The following TSBP1 variants were observed in gnomAD, a reference collection of about 807,000 sequenced individuals.
TSBP1 encodes testis-expressed basic protein 1.
TSBP1 carries 56 observed loss-of-function variants against 68.8 expected under a neutral mutation model. The ratio of observed to expected loss-of-function variants is 0.81; its 90% confidence interval spans 0.66 to 1.02. The LOEUF is 1.02. Ranked by LOEUF, TSBP1 falls within the 50% of genes least tolerant of loss-of-function variation. The probability of loss-of-function intolerance (pLI) is 0.00; values close to 1 mark genes in which losing one functional copy is unlikely to be tolerated. For synonymous variants in TSBP1, 171 were observed against 208.7 expected, an observed-to-expected ratio of 0.82 and a Z score of 1.56; for missense variants, 502 against 641.2, an observed-to-expected ratio of 0.78 and a Z score of 2.34.
At chr6:32,326,726 C>T (rs1229993482) in intron 16 of TSBP1, among the ~76,000 whole-genome samples, 2 of 152,214 alleles carry the variant, frequency 1.3e-5, no homozygotes, top group Admixed American at 6.5e-5. Context: ...AGCTAGTTTT[C>T]GTACTACTTT....
intron 3 of TSBP1, 70 bp downstream of exon 3, chr6:32,368,710 CAG>C: frequency 6.8e-7 from 1 of 1,460,778 alleles, no homozygotes; most frequent in South Asian, 1.2e-5. Context: ...GTAAACAAGA[CAG>C]ATTTCTTTCC....
chr6:32,355,712 C>G (rs1772231497), intron 6 of TSBP1, 43 bp from the exon 7 acceptor site: 1 of 1,569,428 alleles, frequency 6.4e-7, no homozygotes, highest in South Asian at 1.1e-5. Context: ...TTTGGATATT[C>G]TATTTCTGTA....
rs2022669 is a variant in TSBP1 at position 32,321,883 on chromosome 6, T to C, written c.559+1234A>G. 0.11 allele frequency among the ~76,000 whole-genome samples: 16,873 copies of C among 152,122 alleles called. 1,377 individuals are homozygous for C. Among genetic ancestry groups the C allele is most frequent in the African/African-American group, 0.22 (9,245 of 41,474 alleles). ...TACCTACTATCTGGATTAAGTGAGA[T>C]GCTTTGGCAACTCTGAATCTGAATT... is the stretch of plus-strand genomic sequence containing the variant. On this transcript the variant is annotated intron_variant, in intron 18 of 22. Transcript: ENST00000612031. This position sits in a 1 kb window ranked among gnomAD's most constrained non-coding sequence, Gnocchi z 4.3.
intron 1 of TSBP1, among the ~76,000 whole-genome samples, chr6:32,371,252 A>G (rs772139155): frequency 1.3e-5 from 2 of 152,152 alleles, no homozygotes; most frequent in Non-Finnish European, 2.9e-5. Context: ...GTACTACTGT[A>G]TATTCCTTTT....
chr6:32,366,006 G>C, intron 6 of TSBP1, 161 bp downstream of exon 6: 1 of 1,117,218 alleles, frequency 9.0e-7, no homozygotes, highest in Non-Finnish European at 1.3e-6. Context: ...GTGCCTCATA[G>C]CGTGATGGTG....
intron 19 of TSBP1, among the ~76,000 whole-genome samples, chr6:32,308,755 A>T (rs1766047725): frequency 6.6e-6 from 1 of 151,228 alleles, no homozygotes; most frequent in African/African-American, 2.4e-5. Context: ...GTTGTCTTTT[A>T]TTTTTGCCAT....
At chr6:32,303,422 C>A (rs182539917) in intron 19 of TSBP1, among the ~76,000 whole-genome samples, 166 of 148,524 alleles carry the variant, frequency 1.1e-3, no homozygotes, top group African/African-American at 3.4e-3. Context: ...TATAATGTCC[C>A]TCTTTTGTCC....
At chr6:32,300,910 A>G (rs1012962305) in intron 20 of TSBP1, among the ~76,000 whole-genome samples, 2 of 152,230 alleles carry the variant, frequency 1.3e-5, no homozygotes, top group African/African-American at 4.8e-5. Context: ...ACCTTTACTT[A>G]TCATTGATCA....
chr6:32,332,785 A>T (rs1226166635), intron 14 of TSBP1, among the ~76,000 whole-genome samples: 2 of 151,752 alleles, frequency 1.3e-5, no homozygotes, highest in African/African-American at 4.8e-5. Context: ...AATTAAAAAA[A>T]TTTTTGTAGA....
intron 6 of TSBP1, among the ~76,000 whole-genome samples, chr6:32,356,007 A>G (rs564435566): frequency 6.6e-6 from 1 of 152,344 alleles, no homozygotes; most frequent in Admixed American, 6.5e-5. Flanking sequence ...GTTCAGTGAC[A>G]ATATGGCAAA....
Position 32,323,633 on chromosome 6 carries a change from T to G in TSBP1, c.515-19A>C. ...GGACCAGCTGAAAAACAGAGAGGTA[T>G]CTTAGCAACTGTTTTTTCTCCCATG... On this transcript the variant is annotated intron_variant, in intron 16 of 22. Coordinates refer to ENST00000612031, the Ensembl canonical transcript of TSBP1. 6.2e-7 allele frequency: 1 copy of G among 1,611,268 alleles called. No individual in the cohort carries two copies.
chr6:32,371,771 G>A (rs2073045), exon 1 of TSBP1: 581,358 of 1,602,878 alleles, frequency 0.36, 110,794 homozygotes, highest in Non-Finnish European at 0.39. Flanking sequence ...AGAGATCAAG[G>A]TAAAACGAAA....
At position 32,337,390 on chromosome 6, in the gene TSBP1, G is replaced by C. The variant is rs1769804696; in HGVS notation, c.410-755C>G. On this transcript the variant is annotated intron_variant, in intron 11 of 22. Transcript: ENST00000612031. This position sits in a 1 kb window ranked among gnomAD's most constrained non-coding sequence, Gnocchi z 5.5. ...CCACGGGTGTCCTGCTTGTATCTCA[G>C]GAGATTACACAGGCCATTGCCTGTC... Among the ~76,000 whole-genome samples, 1 of 152,156 alleles carries C rather than the reference G, an allele frequency of 6.6e-6. No homozygotes were observed. The highest frequency in any genetic ancestry group is 2.1e-4 in the South Asian group (1 of 4,830).
chr6:32,319,133 T>C (rs1189689571), intron 18 of TSBP1, among the ~76,000 whole-genome samples: 1 of 152,180 alleles, frequency 6.6e-6, no homozygotes, highest in Non-Finnish European at 1.5e-5. Flanking sequence ...AATCTGCTCT[T>C]CTCCGCTACC....
exon 23 of TSBP1, chr6:32,293,680 T>C (rs1214973141): frequency 1.1e-5 from 17 of 1,613,086 alleles, no homozygotes; most frequent in Non-Finnish European, 1.4e-5. Context: ...CCTGTCCTCT[T>C]GGTACATCTG....
Position 32,337,365 on chromosome 6 carries a change from C to T in TSBP1, c.410-730G>A, listed in dbSNP as rs2022535. Among the ~76,000 whole-genome samples the T allele has an allele frequency of 0.34, 51,192 of 151,752 alleles. 9,641 individuals are homozygous for T. Among genetic ancestry groups the T allele is most frequent in the Middle Eastern group, 0.52 (153 of 292 alleles). The stretch of plus-strand genomic sequence containing the variant: ...TCAGGCAGCGTTCCTTCCCCTTTCC[C>T]CACGGGTGTCCTGCTTGTATCTCAG... On this transcript the variant is annotated intron_variant, in intron 11 of 22. Transcript: ENST00000612031. This position sits in a 1 kb window ranked among gnomAD's most constrained non-coding sequence, Gnocchi z 5.5.
At position 32,292,769 on chromosome 6, in the gene TSBP1, C is replaced by T. The variant is rs767626873; in HGVS notation, c.*212G>A. 5 of 526,590 alleles carry T rather than the reference C, an allele frequency of 9.5e-6. No individual in the cohort carries two copies. Among genetic ancestry groups the T allele is most frequent in the East Asian group, 9.3e-5 (3 of 32,396 alleles). 32.6% of individuals were successfully genotyped at this position (526,590 alleles called of 1,614,324 possible). A position where few individuals can be genotyped will look rare whatever the true frequency, so the allele number is the denominator to read the frequency against. ...CAGTCTTTCTTGACGGAATCATATA[C>T]GTCTTAACTTATAAAACAAATATTT... On this transcript the variant is annotated 3_prime_UTR_variant, in exon 23 of 23. Transcript: ENST00000612031. The surrounding 1 kb of genome is among the most constrained non-coding windows in gnomAD (Gnocchi z 4.1).
intron 16 of TSBP1, chr6:32,324,638 A>G (rs1182152959): frequency 3.9e-6 from 6 of 1,550,566 alleles, no homozygotes; most frequent in South Asian, 1.2e-5. Flanking sequence ...AGAGAATTCA[A>G]TGAACACATA....
chr6:32,355,227 A>AC, intron 7 of TSBP1, 83 bp from the exon 8 acceptor site: 1 of 1,405,406 alleles, frequency 7.1e-7, no homozygotes, highest in East Asian at 2.3e-5. Flanking sequence ...AGTTGCTGTC[A>AC]CCCCCTTCTC....
Sources: allele counts gnomAD v4.1 joint callset (sites outside exome capture counted in the v4.1 genomes callset), GRCh38; gene constraint gnomAD v4.1.1; non-coding constraint Gnocchi (gnomAD v3.1); transcripts MANE v1.5; gene names NCBI Gene and HGNC (gene_info 2026-07-23, HGNC 2026-07-21).